The following SCHIP1 variants were observed in gnomAD, a reference collection of about 807,000 sequenced individuals.
SCHIP1 encodes the protein schwannomin-interacting protein 1.
Under a neutral mutation model 29.7 loss-of-function variants are expected in SCHIP1, and 8 were observed. That is an observed-to-expected ratio of 0.27 (90% CI 0.16 to 0.49). The LOEUF is 0.49. Ranked by LOEUF, SCHIP1 falls within the 20% of genes least tolerant of loss-of-function variation. The probability of loss-of-function intolerance (pLI) is 0.99; values close to 1 mark genes in which losing one functional copy is unlikely to be tolerated. For missense variants in SCHIP1, 193 were observed against 294.6 expected, an observed-to-expected ratio of 0.66 and a Z score of 2.52; for synonymous variants, 76 against 94.9, an observed-to-expected ratio of 0.80 and a Z score of 1.16.
the SCHIP1 span, among the ~76,000 whole-genome samples, chr3:159,806,940 G>C: frequency 6.6e-6 from 1 of 152,152 alleles, no homozygotes; most frequent in African/African-American, 2.4e-5. Flanking sequence ...GTGCCCTAAA[G>C]TATTGTATCA....
At chr3:159,708,800 A>G in the SCHIP1 span, among the ~76,000 whole-genome samples, 1 of 152,240 alleles carries the variant, frequency 6.6e-6, no homozygotes, top group South Asian at 2.1e-4. Context: ...ACCTCAAGCC[A>G]TGGAAGTAGG....
the SCHIP1 span, among the ~76,000 whole-genome samples, chr3:159,316,253 T>G: frequency 1.3e-5 from 2 of 152,126 alleles, no homozygotes; most frequent in African/African-American, 4.8e-5. Flanking sequence ...GGTTCCACCA[T>G]AGGCTGTCTG....
the SCHIP1 span, among the ~76,000 whole-genome samples, chr3:159,574,580 G>A: frequency 4.6e-5 from 7 of 152,256 alleles, no homozygotes; most frequent in African/African-American, 1.4e-4. Flanking sequence ...GGACCCACTT[G>A]AGAAGACAGT....
the SCHIP1 span, among the ~76,000 whole-genome samples, chr3:159,734,787 CTTTTTTTTT>C: frequency 0.019 from 2,084 of 110,494 alleles, 34 homozygotes; most frequent in East Asian, 0.048. Context: ...CTTTTCTTGT[CTTTTTTTTT>C]TTTTTTTTTT....
At chr3:159,770,890 A>G in the SCHIP1 span, among the ~76,000 whole-genome samples, 8 of 152,200 alleles carry the variant, frequency 5.3e-5, no homozygotes, top group Non-Finnish European at 5.9e-5. Context: ...GAAAGGAATC[A>G]TTTTTAAATT....
At chr3:159,475,844 A>G in the SCHIP1 span, among the ~76,000 whole-genome samples, 2 of 152,222 alleles carry the variant, frequency 1.3e-5, no homozygotes, top group Non-Finnish European at 2.9e-5. Flanking sequence ...GAGTAGAAAC[A>G]GGAATTAAGG....
the SCHIP1 span, among the ~76,000 whole-genome samples, chr3:159,302,952 A>G: frequency 6.6e-6 from 1 of 152,222 alleles, no homozygotes; most frequent in African/African-American, 2.4e-5. Flanking sequence ...CCTAATAAGG[A>G]ACACAAATAA....
chr3:159,339,769 T>C, the SCHIP1 span, among the ~76,000 whole-genome samples: 1 of 152,188 alleles, frequency 6.6e-6, no homozygotes, highest in Non-Finnish European at 1.5e-5. Context: ...AACTTTTCTC[T>C]AGAAGTAATC....
the SCHIP1 span, among the ~76,000 whole-genome samples, chr3:159,703,312 T>C: frequency 9.2e-5 from 14 of 152,250 alleles, no homozygotes; most frequent in Non-Finnish European, 1.6e-4. Context: ...CAAACTGTCT[T>C]CCATAAATGT....
the SCHIP1 span, among the ~76,000 whole-genome samples, chr3:159,521,865 A>C: frequency 6.6e-6 from 1 of 152,348 alleles, no homozygotes; most frequent in South Asian, 2.1e-4. Context: ...TATAATTGCT[A>C]GTCTATTATT....
At chr3:159,286,853 G>A in the SCHIP1 span, among the ~76,000 whole-genome samples, 1 of 152,050 alleles carries the variant, frequency 6.6e-6, no homozygotes, top group East Asian at 1.9e-4. Flanking sequence ...TATGCTTGTT[G>A]GCCACATGTA....
exon 5 of SCHIP1, chr3:159,888,840 A>C (rs1304497331): frequency 3.1e-6 from 5 of 1,613,970 alleles, no homozygotes; most frequent in Non-Finnish European, 4.2e-6. Flanking sequence ...TGCCTCATAT[A>C]AGTGAATGCT....
the SCHIP1 span, among the ~76,000 whole-genome samples, chr3:159,533,650 T>C: frequency 6.6e-6 from 1 of 152,182 alleles, no homozygotes. Context: ...CTGTTCTCTG[T>C]TCTTTAATAC....
the SCHIP1 span, among the ~76,000 whole-genome samples, chr3:159,775,129 T>C: frequency 6.6e-6 from 1 of 152,356 alleles, no homozygotes; most frequent in Middle Eastern, 3.4e-3. Flanking sequence ...AATTCATCAA[T>C]TCAAGAGGGT....
chr3:159,764,845 G>A, the SCHIP1 span: 3 of 1,591,892 alleles, frequency 1.9e-6, no homozygotes, highest in South Asian at 1.1e-5. The surrounding 1 kb of genome is among the most constrained non-coding windows in gnomAD (Gnocchi z 6.1). Context: ...CCACCAGCAC[G>A]ACCCCCAGGA....
At chr3:159,642,560 A>G in the SCHIP1 span, among the ~76,000 whole-genome samples, 1 of 152,150 alleles carries the variant, frequency 6.6e-6, no homozygotes, top group Non-Finnish European at 1.5e-5. Flanking sequence ...CAAACACTAG[A>G]TTAAGGGTTA....
the SCHIP1 span, among the ~76,000 whole-genome samples, chr3:159,655,821 G>C: frequency 6.6e-6 from 1 of 152,228 alleles, no homozygotes; most frequent in South Asian, 2.1e-4. Context: ...CCCAGGAGGC[G>C]GAGGTTGCAG....
At chr3:159,395,402 T>C in the SCHIP1 span, among the ~76,000 whole-genome samples, 1 of 152,186 alleles carries the variant, frequency 6.6e-6, no homozygotes, top group Non-Finnish European at 1.5e-5. Flanking sequence ...GTTCTTTTAA[T>C]TGTGATGTTA....
chr3:159,821,088 C>T, the SCHIP1 span, among the ~76,000 whole-genome samples: 3 of 152,176 alleles, frequency 2.0e-5, 1 homozygote, highest in South Asian at 6.2e-4. Context: ...GGGGGATGAG[C>T]AAAGGAGAAG....
Sources: gnomAD v4.1 joint callset for allele counts (sites outside exome capture counted in the v4.1 genomes callset) on GRCh38, gnomAD v4.1.1 for gene constraint, Gnocchi (gnomAD v3.1) non-coding constraint, MANE v1.5 for transcripts, NCBI Gene and HGNC (gene_info 2026-07-23, HGNC 2026-07-21) for gene names.